Variants in ATG10 observed in about 807,000 individuals in gnomAD.
ATG10 encodes ubiquitin-like-conjugating enzyme ATG10.
A neutral mutation model predicts 32.1 loss-of-function variants in ATG10; 30 were observed. The ratio of observed to expected loss-of-function variants is 0.94; its 90% CI spans 0.70 to 1.27. The LOEUF (loss-of-function observed/expected upper bound fraction) is 1.27, where lower values mean the gene tolerates loss of function less well. Ranked by LOEUF, ATG10 falls within the 50% of genes most tolerant of loss-of-function variation. The pLI is 0.00. For missense variants in ATG10, 233 were observed against 262.3 expected, an observed-to-expected ratio of 0.89 and a Z score of 0.77; for synonymous variants, 87 against 91.5, an observed-to-expected ratio of 0.95 and a Z score of 0.28.
At chr5:82,203,459 G>A (rs1037031287) in intron 5 of ATG10, among the ~76,000 whole-genome samples, 2 of 152,166 alleles carry the variant, frequency 1.3e-5, no homozygotes, top group African/African-American at 4.8e-5. Flanking sequence ...ACTTTTCAGA[G>A]TCATAGGGTA....
Position 81,993,336 on chromosome 5 carries a change from C to CTTCTTTCTTTCTTTCT in ATG10, c.108+5666_108+5681dup, listed in dbSNP as rs376821435. On this transcript the variant is annotated intron_variant, in intron 2 of 7. Transcript: ENST00000282185. ...CTTTCTTTCTTTCTTTCCTTCCTTC[C>CTTCTTTCTTTCTTTCT]TTCTTTCTTTCTTTCTTTCTTTCCT... Among the ~76,000 whole-genome samples the CTTCTTTCTTTCTTTCT allele has an allele frequency of 1.2e-3, 94 of 77,730 alleles. 1 individual carries two copies. Among genetic ancestry groups the CTTCTTTCTTTCTTTCT allele is most frequent in the South Asian group, 4.9e-3 (10 of 2,036 alleles). The allele number at this position is 77,730 out of a possible 152,430, so 51.0% of individuals were successfully genotyped here. A position where few individuals can be genotyped will look rare whatever the true frequency, so the allele number is the denominator to read the frequency against.
rs149900138 is a variant in ATG10, at chr5:82,115,617, T to A, written c.217-48782T>A. 1.3e-4 allele frequency among the ~76,000 whole-genome samples: 20 copies of A among 152,242 alleles called. 1 individual carries two copies. In the East Asian group the frequency reaches 3.9e-3, roughly 29 times the overall value. On this transcript the variant is annotated intron_variant, in intron 3 of 7. Transcript: ENST00000282185. ...ATCTGTCATTTGGCTTTAAGTTTAA[T>A]CAATTTTTTTGTAACATCATACTGT...
intron 3 of ATG10, among the ~76,000 whole-genome samples, chr5:82,117,657 C>T (rs1202766181): frequency 1.3e-5 from 2 of 152,006 alleles, no homozygotes; most frequent in Admixed American, 6.6e-5. Context: ...ATGATCTGGC[C>T]AGGACTCCAG....
chr5:82,118,178 A>G (rs1034384785), intron 3 of ATG10, among the ~76,000 whole-genome samples: 4 of 151,394 alleles, frequency 2.6e-5, no homozygotes, highest in African/African-American at 7.3e-5. Context: ...GGGTGATTGG[A>G]CAGGTTATAT....
chr5:82,035,482 T>G (rs1479475680), intron 2 of ATG10, among the ~76,000 whole-genome samples: 3 of 152,144 alleles, frequency 2.0e-5, no homozygotes, highest in Non-Finnish European at 4.4e-5. Flanking sequence ...TAATTTATAC[T>G]CCTATCAAAA....
chr5:82,146,950 G>A lies in ATG10; in HGVS notation c.217-17449G>A, dbSNP rs193105869. ...TATAAACCTCAACAGATTGAGTCAC[G>A]TTCAATTCTCTGTTCTTTCTATGTT... On this transcript the variant is annotated intron_variant, in intron 3 of 7. Coordinates refer to ENST00000282185, the MANE Select transcript of ATG10 (RefSeq NM_031482.5). Among the ~76,000 whole-genome samples the A allele has an allele frequency of 1.5e-3, 235 of 152,200 alleles. 1 individual carries two copies. The highest frequency in any genetic ancestry group is 2.4e-3 in the Admixed American group (37 of 15,294).
intron 5 of ATG10, among the ~76,000 whole-genome samples, chr5:82,207,017 A>G (rs1052673429): frequency 6.6e-6 from 1 of 152,214 alleles, no homozygotes; most frequent in African/African-American, 2.4e-5. Flanking sequence ...TGCCAGTATT[A>G]TAATACAGTA....
intron 5 of ATG10, among the ~76,000 whole-genome samples, chr5:82,230,584 T>G (rs181853622): frequency 7.2e-4 from 110 of 151,754 alleles, no homozygotes; most frequent in African/African-American, 2.5e-3. Flanking sequence ...ATACAAAAAC[T>G]TAGCCAGGTG....
intron 3 of ATG10, among the ~76,000 whole-genome samples, chr5:82,105,315 C>T (rs1765412179): frequency 6.6e-6 from 1 of 151,972 alleles, no homozygotes; most frequent in Non-Finnish European, 1.5e-5. Context: ...TTTTTTTCCA[C>T]ACTTCAAAAT....
chr5:82,245,110 C>G (rs970044265), intron 5 of ATG10, among the ~76,000 whole-genome samples: 2 of 152,128 alleles, frequency 1.3e-5, no homozygotes, highest in Admixed American at 6.5e-5. Flanking sequence ...AGAAATGTCA[C>G]TAAAAGGATC....
intron 2 of ATG10, among the ~76,000 whole-genome samples, chr5:82,024,251 G>A (rs1762532233): frequency 6.6e-6 from 1 of 151,828 alleles, no homozygotes; most frequent in South Asian, 2.1e-4. Flanking sequence ...CTGTCTTCCA[G>A]CTTCTTTCCG....
At chr5:81,997,728 G>A (rs1761711176) in intron 2 of ATG10, among the ~76,000 whole-genome samples, 1 of 152,116 alleles carries the variant, frequency 6.6e-6, no homozygotes, top group African/African-American at 2.4e-5. Flanking sequence ...TCACCTCAAG[G>A]ATTTCAGAAT....
At chr5:82,071,064 A>T in intron 3 of ATG10, among the ~76,000 whole-genome samples, 1 of 152,046 alleles carries the variant, frequency 6.6e-6, no homozygotes, top group East Asian at 1.9e-4. Flanking sequence ...CCTTTCTAAT[A>T]GGTCATTTAA....
chr5:82,092,619 G>A (rs1256340742), intron 3 of ATG10, among the ~76,000 whole-genome samples: 1 of 152,138 alleles, frequency 6.6e-6, no homozygotes, highest in Non-Finnish European at 1.5e-5. Context: ...ATTCAACTGG[G>A]TAGCCCAAGC....
At chr5:82,121,344 C>A (rs1327656170) in intron 3 of ATG10, among the ~76,000 whole-genome samples, 1 of 152,170 alleles carries the variant, frequency 6.6e-6, no homozygotes, top group Non-Finnish European at 1.5e-5. Context: ...TGTTTGTCAG[C>A]TGAAGGAGGT....
chr5:82,253,107 T>A (rs1033111307), intron 6 of ATG10, among the ~76,000 whole-genome samples: 1 of 152,212 alleles, frequency 6.6e-6, no homozygotes, highest in Non-Finnish European at 1.5e-5. Context: ...ACTACCCTAA[T>A]GAGGGATCCT....
intron 2 of ATG10, among the ~76,000 whole-genome samples, chr5:81,994,913 T>C (rs1364495320): frequency 1.3e-5 from 2 of 152,192 alleles, no homozygotes; most frequent in Non-Finnish European, 2.9e-5. Flanking sequence ...GTTAGAGTTG[T>C]TTTAGTTCAT....
At chr5:81,983,522 C>A (rs1207577797) in intron 1 of ATG10, among the ~76,000 whole-genome samples, 2 of 148,686 alleles carry the variant, frequency 1.3e-5, no homozygotes, top group African/African-American at 2.5e-5. Context: ...TGACCCCCCC[C>A]ACCTCCCTCC....
intron 4 of ATG10, among the ~76,000 whole-genome samples, chr5:82,165,335 A>C (rs114690570): frequency 3.8e-4 from 58 of 152,324 alleles, no homozygotes; most frequent in African/African-American, 1.3e-3. Flanking sequence ...CAGCCTTCTG[A>C]CTTTTTTCTG....
Sources: allele counts gnomAD v4.1 joint callset (sites outside exome capture counted in the v4.1 genomes callset), GRCh38; gene constraint gnomAD v4.1.1; transcripts MANE v1.5; gene names NCBI Gene and HGNC (gene_info 2026-07-23, HGNC 2026-07-21).